Variants in OR56A1 observed in about 807,000 individuals in gnomAD.
OR56A1 encodes olfactory receptor 56A1.
For synonymous variants in OR56A1, 174 were observed against 159.1 expected (o/e 1.09, Z -0.70); for missense variants, 360 against 380.9 (o/e 0.94, Z 0.46).
chr11:6,027,792 T>C, intron 1 of OR56A1, 66 bp from the exon 2 acceptor site: 1 of 1,014,078 alleles, frequency 9.9e-7, no homozygotes, highest in Non-Finnish European at 1.5e-6. Flanking sequence ...CCCTTTCACT[T>C]ACTCTTTAGG....
rs1289981991 is a variant in OR56A1, at chr11:6,025,770, A to G, written c.*978T>C. 7.2e-5 allele frequency: 11 copies of G among 152,188 alleles called. No individual in the cohort carries two copies. Among genetic ancestry groups the G allele is most frequent in the Non-Finnish European group, 1.5e-4 (10 of 68,040 alleles). 9.4% of individuals were successfully genotyped at this position (152,188 alleles called of 1,614,324 possible). On this transcript the variant is annotated 3_prime_UTR_variant, in exon 2 of 2. Transcript: ENST00000641900. ...TCTTTCCAAGTGGAGGTTTCTTCCC[A>G]TAGATACTGTTTATCTGTTACTTGA...
chr11:6,024,740 A>T lies in OR56A1; in HGVS notation c.*2008T>A, dbSNP rs756117817. ...AAAATCAGTGGTGAAGTTGGCCTTTATATCATCTAAGGGACAATAGGAAAA... is the reference window on the plus strand; with the variant it reads ...AAAATCAGTGGTGAAGTTGGCCTTTTTATCATCTAAGGGACAATAGGAAAA... On this transcript the variant is annotated 3_prime_UTR_variant, in exon 2 of 2. Transcript: ENST00000641900. 1 of 152,190 alleles carries T rather than the reference A, an allele frequency of 6.6e-6. No homozygotes were observed. The highest frequency in any genetic ancestry group is 2.4e-5 in the African/African-American group (1 of 41,442). 9.4% of individuals were successfully genotyped at this position (152,190 alleles called of 1,614,324 possible). A position where few individuals can be genotyped will look rare whatever the true frequency, so the allele number is the denominator to read the frequency against.
chr11:6,033,980 T>A (rs529669706), upstream of OR56A1, among the ~76,000 whole-genome samples: 186 of 152,276 alleles, frequency 1.2e-3, 4 homozygotes, highest in South Asian at 0.038. Context: ...ATACCCTTTA[T>A]CCCATTGTGG....
Position 6,027,644 on chromosome 11 carries a change from G to A in OR56A1, c.49C>T (p.Leu17Phe). 6.2e-7 allele frequency: 1 copy of A among 1,610,426 alleles called. No individual in the cohort carries two copies. Among genetic ancestry groups the A allele is most frequent in the Non-Finnish European group, 8.5e-7 (1 of 1,178,280 alleles). ...CTCTGGAAGTTGGGGAAGCAGATGA[G>A]GAGGAATTCAGAGACTGGGACAGTG... ...SSTVPVSEFL[L>F]ICFPNFQSWQ... Residue 17 changes from leucine to phenylalanine, a missense_variant, in exon 2 of 2, where the codon CTC becomes TTC. Physicochemically the swap from Leu to Phe is conservative, Grantham distance 22 (BLOSUM62 0). Transcript: ENST00000641900.
chr11:6,033,590 C>A (rs1848532245), upstream of OR56A1, among the ~76,000 whole-genome samples: 1 of 151,488 alleles, frequency 6.6e-6, no homozygotes, highest in Non-Finnish European at 1.5e-5. Flanking sequence ...TTTTGGCAAA[C>A]TGAGACACAG....
intron 1 of OR56A1, among the ~76,000 whole-genome samples, chr11:6,028,897 A>C (rs1848483974): frequency 6.6e-6 from 1 of 151,062 alleles, no homozygotes. Context: ...AGAGTTCAAC[A>C]ACAGATGATA....
rs1005158738 is a variant in OR56A1, at chr11:6,030,748, G to C, written c.-81C>G. On this transcript the variant is annotated 5_prime_UTR_variant, in exon 1 of 2. Transcript: ENST00000641900. ...TCAATTCAAATACTCTCTTCTCTGA[G>C]AGGTTTGTTCTAACCCCCTTTACAC... The C allele has an allele frequency of 1.3e-5, 2 of 152,118 alleles. No individual in the cohort carries two copies. Among genetic ancestry groups the C allele is most frequent in the Admixed American group, 6.6e-5 (1 of 15,260 alleles). 9.4% of individuals were successfully genotyped at this position (152,118 alleles called of 1,614,324 possible).
At chr11:6,029,653 C>T (rs1459664767) in intron 1 of OR56A1, among the ~76,000 whole-genome samples, 1 of 152,168 alleles carries the variant, frequency 6.6e-6, no homozygotes, top group Non-Finnish European at 1.5e-5. Flanking sequence ...TCATATATCA[C>T]AGACTTCTAG....
upstream of OR56A1, among the ~76,000 whole-genome samples, chr11:6,031,421 A>T (rs929639071): frequency 3.9e-5 from 6 of 152,202 alleles, no homozygotes; most frequent in African/African-American, 1.4e-4. Flanking sequence ...ACACATTATT[A>T]TGCATGAACT....
At chr11:6,033,024 A>T (rs1420671575), upstream of OR56A1, among the ~76,000 whole-genome samples, 1 of 152,066 alleles carries the variant, frequency 6.6e-6, no homozygotes, top group Non-Finnish European at 1.5e-5. Context: ...GCATTGTTTG[A>T]CATAATCTTC....
At chr11:6,032,851 G>T (rs1444681627), upstream of OR56A1, among the ~76,000 whole-genome samples, 6 of 152,144 alleles carry the variant, frequency 3.9e-5, no homozygotes, top group South Asian at 1.3e-3. Flanking sequence ...CCTAATGTTG[G>T]TAAGAATTGT....
Position 6,026,875 on chromosome 11 carries a change from A to ATGGGGACCTTCT in OR56A1, c.806_817dup (p.Lys269_Pro272dup), listed in dbSNP as rs750423265. 8.1e-6 allele frequency: 13 copies of ATGGGGACCTTCT among 1,614,122 alleles called. No individual in the cohort carries two copies. Among genetic ancestry groups the ATGGGGACCTTCT allele is most frequent in the Non-Finnish European group, 3.4e-6 (4 of 1,179,916 alleles). ...GACGTTCAGCAGGATCAGGATGTCC[A>ATGGGGACCTTCT]TGGGGACCTTCTTTCTGGCCACGTT... On this transcript the variant is annotated inframe_insertion, in exon 2 of 2. Coordinates refer to ENST00000641900, the MANE Select transcript of OR56A1 (RefSeq NM_001388488.1).
At position 6,019,952 on chromosome 11, in the gene OR56A1, A is replaced by T. The variant is rs2133593072; in HGVS notation, c.*6796T>A. ...CCAGGGATAAGCATAGGTTTAAGGA[A>T]AGTCTCTCAACCTCTTTCTTAAATA... is the stretch of plus-strand genomic sequence containing the variant. On this transcript the variant is annotated 3_prime_UTR_variant, in exon 2 of 2. Coordinates refer to ENST00000641900, the MANE Select transcript of OR56A1 (RefSeq NM_001388488.1). The T allele has an allele frequency of 6.6e-6, 1 of 152,244 alleles. No homozygotes were observed. Among genetic ancestry groups the T allele is most frequent in the African/African-American group, 2.4e-5 (1 of 41,560 alleles). 9.4% of individuals were successfully genotyped at this position (152,244 alleles called of 1,614,324 possible). A position where few individuals can be genotyped will look rare whatever the true frequency, so the allele number is the denominator to read the frequency against.
chr11:6,027,261 C>T lies in OR56A1; in HGVS notation c.432G>A (p.Val144=). The change falls in exon 2 of 2, where the codon GTG becomes GTA. Residue 144 remains valine (V), a synonymous_variant. Coordinates refer to ENST00000641900, the MANE Select transcript of OR56A1 (RefSeq NM_001388488.1). ...RYPSIITNQF[V]AKASVFIVVR... ...CCACAATGAAGACACTAGCTTTGGCCACAAATTGATTAGTGATGATGGATG... is the reference window on the plus strand; with the variant it reads ...CCACAATGAAGACACTAGCTTTGGCTACAAATTGATTAGTGATGATGGATG... 1 of 1,614,176 alleles carries T rather than the reference C, an allele frequency of 6.2e-7. No individual in the cohort carries two copies. The highest frequency in any genetic ancestry group is 8.5e-7 in the Non-Finnish European group (1 of 1,180,032).
upstream of OR56A1, among the ~76,000 whole-genome samples, chr11:6,032,568 A>G (rs1848522775): frequency 6.6e-6 from 1 of 152,200 alleles, no homozygotes; most frequent in East Asian, 1.9e-4. Context: ...AGGAGGAAGA[A>G]TGAGAAAGGA....
rs757361804 is a variant in OR56A1, at chr11:6,027,009, C to A, written c.684G>T (p.Val228=). The A allele has an allele frequency of 2.5e-6, 4 of 1,613,924 alleles. No individual in the cohort carries two copies. In the African/African-American group the frequency reaches 5.3e-5, roughly 22 times the overall value. The change falls in exon 2 of 2, where the codon GTG becomes GTT. Residue 228 remains valine (V), a synonymous_variant. Transcript: ENST00000641900. ...FLSYTFILRA[V]LRFKAEGAAV... is the part of the protein sequence containing the mutation. ...CCGCCCCCTCTGCTTTGAATCTAAGCACAGCTCTTAGAATGAAGGTGTAAG... is the reference window on the plus strand; with the variant it reads ...CCGCCCCCTCTGCTTTGAATCTAAGAACAGCTCTTAGAATGAAGGTGTAAG...
Position 6,024,144 on chromosome 11 carries a change from C to T in OR56A1, c.*2604G>A, listed in dbSNP as rs1223115725. 6.6e-6 allele frequency: 1 copy of T among 152,194 alleles called. No homozygotes were observed. The highest frequency in any genetic ancestry group is 1.5e-5 in the Non-Finnish European group (1 of 68,030). 9.4% of individuals were successfully genotyped at this position (152,194 alleles called of 1,614,324 possible). ...ATTAAAGATAGACATGATTTTTCAA[C>T]TCTTCTTTTAGCCAATTCAATATCA... is the stretch of plus-strand genomic sequence containing the variant. On this transcript the variant is annotated 3_prime_UTR_variant, in exon 2 of 2. Transcript: ENST00000641900.
rs142430782 is a variant in OR56A1, at chr11:6,028,349, T to A, written c.-34-623A>T. Among the ~76,000 whole-genome samples, 28 of 151,730 alleles carry A rather than the reference T, an allele frequency of 1.8e-4. No homozygotes were observed. In the East Asian group the frequency reaches 3.3e-3, roughly 18 times the overall value. On this transcript the variant is annotated intron_variant, in intron 1 of 1. Transcript: ENST00000641900. ...GGCTAGTTTTACTATAAATTTGTGA[T>A]CATTAACCTTAAATGTGCCTTCAAT... is the stretch of plus-strand genomic sequence containing the variant.
chr11:6,027,475 T>A lies in OR56A1; in HGVS notation c.218A>T (p.Asp73Val), dbSNP rs1848465740. Residue 73 changes from aspartate to valine, a missense_variant, in exon 2 of 2, where the codon GAC becomes GTC. Coordinates refer to ENST00000641900, the MANE Select transcript of OR56A1 (RefSeq NM_001388488.1). ...YYLLSLLSLL[D>V]IVLCLTVIPK... is the part of the protein sequence containing the mutation. ...GATGACGGTGAGGCAGAGCACGATGTCCAGCAGGGAGAGGAGGCTGAGCAG... is the reference window on the plus strand; with the variant it reads ...GATGACGGTGAGGCAGAGCACGATGACCAGCAGGGAGAGGAGGCTGAGCAG... 6.2e-7 allele frequency: 1 copy of A among 1,614,022 alleles called. No homozygotes were observed. Among genetic ancestry groups the A allele is most frequent in the Non-Finnish European group, 8.5e-7 (1 of 1,180,038 alleles).
Sources: gnomAD v4.1 joint callset for allele counts (sites outside exome capture counted in the v4.1 genomes callset) on GRCh38, gnomAD v4.1.1 for gene constraint, MANE v1.5 for transcripts, NCBI Gene and HGNC (gene_info 2026-07-23, HGNC 2026-07-21) for gene names.